The following MET variants were observed in gnomAD, a reference collection of about 807,000 sequenced individuals.
The protein encoded by MET is MET proto-oncogene, receptor tyrosine kinase, also known as hepatocyte growth factor receptor.
A neutral mutation model predicts 133.1 loss-of-function variants in MET; 48 were observed. That is an observed-to-expected ratio of 0.36 (90% confidence interval 0.29 to 0.46). The LOEUF is 0.46. Ranked by LOEUF, MET falls within the 20% of genes least tolerant of loss-of-function variation. The probability of loss-of-function intolerance (pLI) is 1.00; values close to 1 mark genes in which losing one functional copy is unlikely to be tolerated. For synonymous variants in MET, 628 were observed against 616.5 expected, an observed-to-expected ratio of 1.02 and a Z score of -0.28; for missense variants, 1,442 against 1,695.9, an observed-to-expected ratio of 0.85 and a Z score of 2.63.
chr7:116,731,182 T>C lies in MET; in HGVS notation c.1201-486T>C, dbSNP rs144389682. ...TTGATGCCAGCACTTGGGTCAGTGC[T>C]CTGTGGCCTCCCAGTGAGTTATCCG... On this transcript the variant is annotated intron_variant, in intron 2 of 20. Coordinates refer to ENST00000397752, the MANE Select transcript of MET (RefSeq NM_000245.4). Among the ~76,000 whole-genome samples the C allele has an allele frequency of 1.8e-4, 27 of 152,324 alleles. No homozygotes were observed. In the East Asian group the frequency reaches 5.2e-3, roughly 29 times the overall value.
intron 14 of MET, 51 bp from the exon 15 acceptor site, chr7:116,774,830 A>G (rs1794942605): frequency 1.4e-6 from 2 of 1,418,276 alleles, no homozygotes; most frequent in Non-Finnish European, 2.0e-6. Context: ...TTCAGTCCCC[A>G]TTAAATGAGG....
intron 1 of MET, among the ~76,000 whole-genome samples, chr7:116,680,651 T>C (rs1796317714): frequency 6.6e-6 from 1 of 151,928 alleles, no homozygotes; most frequent in Non-Finnish European, 1.5e-5. Flanking sequence ...CAGGTCAAAA[T>C]GGTGTATAGG....
At chr7:116,703,683 CA>C (rs1791667142) in intron 2 of MET, among the ~76,000 whole-genome samples, 1 of 151,956 alleles carries the variant, frequency 6.6e-6, no homozygotes, top group Non-Finnish European at 1.5e-5. Context: ...ATTAATGTGA[CA>C]ATTTCAGGAA....
intron 15 of MET, among the ~76,000 whole-genome samples, chr7:116,776,851 T>G (rs1162438221): frequency 6.6e-6 from 1 of 152,220 alleles, no homozygotes; most frequent in African/African-American, 2.4e-5. Flanking sequence ...TGCCTTTCAG[T>G]TTCTGCCAAC....
At chr7:116,726,603 G>A (rs1040051638) in intron 2 of MET, among the ~76,000 whole-genome samples, 3 of 152,182 alleles carry the variant, frequency 2.0e-5, no homozygotes, top group Admixed American at 2.0e-4. Context: ...ACTGTGGAAA[G>A]TGGAGCACAG....
intron 1 of MET, among the ~76,000 whole-genome samples, chr7:116,698,292 T>C (rs1032818382): frequency 2.6e-5 from 4 of 152,238 alleles, no homozygotes; most frequent in African/African-American, 9.6e-5. Context: ...AATGTTCTTT[T>C]TACTAAATAG....
rs760278126 is a variant in MET at position 116,699,846 on chromosome 7, A to C, written c.762A>C (p.Glu254Asp). Residue 254 changes from glutamate to aspartate, a missense_variant, in exon 2 of 21, where the codon GAA (glutamate) becomes GAC (aspartate). Glu to Asp is a conservative substitution (Grantham distance 45). Coordinates refer to ENST00000397752, the MANE Select transcript of MET (RefSeq NM_000245.4). ...CCATTAAGTATGTCCATGCCTTTGA[A>C]AGCAACAATTTTATTTACTTCTTGA... ...SYPIKYVHAF[E>D]SNNFIYFLTV... 56 of 1,614,006 alleles carry C rather than the reference A, an allele frequency of 3.5e-5. No individual in the cohort carries two copies. The highest frequency in any genetic ancestry group is 8.3e-5 in the Admixed American group (5 of 59,998).
intron 16 of MET, among the ~76,000 whole-genome samples, chr7:116,778,182 A>C (rs1244244368): frequency 6.6e-6 from 1 of 152,208 alleles, no homozygotes; most frequent in Non-Finnish European, 1.5e-5. Flanking sequence ...TTACACAAAC[A>C]GTGTACTCCA....
intron 1 of MET, among the ~76,000 whole-genome samples, chr7:116,688,514 A>C (rs1796657234): frequency 6.6e-6 from 1 of 152,198 alleles, no homozygotes; most frequent in African/African-American, 2.4e-5. Context: ...AATGGGACAA[A>C]AGCCCATCTG....
intron 17 of MET, among the ~76,000 whole-genome samples, chr7:116,779,737 G>A (rs993939813): frequency 1.3e-5 from 2 of 152,022 alleles, no homozygotes; most frequent in African/African-American, 2.4e-5. Context: ...AAAAAAGAAG[G>A]TGAAATATCT....
chr7:116,690,577 G>T (rs1383115382), intron 1 of MET, among the ~76,000 whole-genome samples: 1 of 152,156 alleles, frequency 6.6e-6, no homozygotes, highest in Middle Eastern at 3.2e-3. Context: ...TTTTGACATG[G>T]CCTATTGTTT....
At chr7:116,757,117 C>G (rs1395265340) in intron 6 of MET, among the ~76,000 whole-genome samples, 1 of 151,902 alleles carries the variant, frequency 6.6e-6, no homozygotes, top group Non-Finnish European at 1.5e-5. Flanking sequence ...TGGCATGCAC[C>G]TCTAGTTCCA....
At chr7:116,744,856 A>G (rs1301135389) in intron 5 of MET, among the ~76,000 whole-genome samples, 1 of 152,172 alleles carries the variant, frequency 6.6e-6, no homozygotes, top group Non-Finnish European at 1.5e-5. Context: ...CAGAAACCCT[A>G]CAAGACAGAC....
intron 1 of MET, among the ~76,000 whole-genome samples, chr7:116,691,071 T>C (rs879888437): frequency 6.6e-6 from 1 of 152,242 alleles, no homozygotes; most frequent in Admixed American, 6.5e-5. Context: ...GATTTAGCCA[T>C]GGCTATTTTT....
At chr7:116,674,084 A>G (rs1562869598) in intron 1 of MET, among the ~76,000 whole-genome samples, 1 of 152,208 alleles carries the variant, frequency 6.6e-6, no homozygotes, top group Non-Finnish European at 1.5e-5. Context: ...TAACTTAAAT[A>G]TATTTTGCTT....
At chr7:116,725,393 C>T (rs766983799) in intron 2 of MET, among the ~76,000 whole-genome samples, 1 of 151,406 alleles carries the variant, frequency 6.6e-6, no homozygotes, top group Non-Finnish European at 1.5e-5. Flanking sequence ...GGGGAAAATT[C>T]TTAATAGGTT....
intron 1 of MET, among the ~76,000 whole-genome samples, chr7:116,688,162 T>G (rs1025467259): frequency 3.3e-5 from 5 of 152,224 alleles, no homozygotes; most frequent in African/African-American, 1.2e-4. Flanking sequence ...GTTCACATTC[T>G]GACTATTCAG....
At chr7:116,763,289 T>G (rs773138058) in intron 11 of MET, 21 bp downstream of exon 11, 2 of 1,596,700 alleles carry the variant, frequency 1.3e-6, no homozygotes, top group Non-Finnish European at 8.6e-7. Context: ...CTTTAAACAC[T>G]GTCTTAAATC....
chr7:116,754,983 G>GGAAAGAAAGAAAGAAAA (rs1794104507), intron 5 of MET, among the ~76,000 whole-genome samples: 2 of 78,632 alleles, frequency 2.5e-5, no homozygotes, highest in Admixed American at 2.9e-4. Context: ...AGCAGAGAAA[G>GGAAAGAAAGAAAGAAAA]GAAAGAAAGA....
Sources: gnomAD v4.1 joint callset for allele counts (sites outside exome capture counted in the v4.1 genomes callset) on GRCh38, gnomAD v4.1.1 for gene constraint, MANE v1.5 for transcripts, NCBI Gene and HGNC (gene_info 2026-07-23, HGNC 2026-07-21) for gene names.